The following CNIH3 variants were observed in gnomAD, a reference collection of about 807,000 sequenced individuals.
CNIH3 encodes the protein protein cornichon homolog 3.
Under a neutral mutation model 24.1 loss-of-function variants are expected in CNIH3, and 14 were observed. The ratio of observed to expected loss-of-function variants is 0.58; its 90% CI spans 0.38 to 0.91. The LOEUF (loss-of-function observed/expected upper bound fraction) is 0.91, where lower values mean the gene tolerates loss of function less well. Ranked by LOEUF, CNIH3 falls within the 40% of genes least tolerant of loss-of-function variation. The pLI is 0.00. For missense variants in CNIH3, 178 were observed against 196.8 expected, an observed-to-expected ratio of 0.90 and a Z score of 0.57; for synonymous variants, 68 against 73.8, an observed-to-expected ratio of 0.92 and a Z score of 0.40.
intron 1 of CNIH3, among the ~76,000 whole-genome samples, chr1:224,635,899 T>C (rs1553278634): frequency 1.3e-5 from 2 of 151,800 alleles, no homozygotes; most frequent in Non-Finnish European, 2.9e-5. Flanking sequence ...TTTCTAGAAA[T>C]GGGGGGGTCT....
At chr1:224,608,644 C>T (rs61827076) in intron 3 of CNIH3, among the ~76,000 whole-genome samples, 41,455 of 152,016 alleles carry the variant, frequency 0.27, 5,919 homozygotes, top group East Asian at 0.36. Flanking sequence ...GGCACGGCGC[C>T]GGGCTGTCTG....
At chr1:224,476,381 G>C (rs1464677919) in intron 1 of CNIH3, among the ~76,000 whole-genome samples, 1 of 152,178 alleles carries the variant, frequency 6.6e-6, no homozygotes, top group African/African-American at 2.4e-5. Flanking sequence ...ATTTAGTAAA[G>C]TTTCAGGATA....
At chr1:224,489,140 C>T (rs6697914) in intron 1 of CNIH3, among the ~76,000 whole-genome samples, 125,623 of 151,304 alleles carry the variant, frequency 0.83, 52,596 homozygotes, top group East Asian at 0.97. Context: ...TATTTTTCTT[C>T]TTTTTTTTAA....
chr1:224,488,786 A>C (rs1410451878), intron 1 of CNIH3, among the ~76,000 whole-genome samples: 1 of 53,320 alleles, frequency 1.9e-5, no homozygotes, highest in Non-Finnish European at 4.7e-5. Flanking sequence ...GTAATTTTTA[A>C]ATTTTAGATG....
At chr1:224,699,123 G>A (rs1277856432) in intron 3 of CNIH3, among the ~76,000 whole-genome samples, 1 of 152,128 alleles carries the variant, frequency 6.6e-6, no homozygotes, top group East Asian at 1.9e-4. Flanking sequence ...GAGTTTTTCA[G>A]AGCAAGCTTG....
chr1:224,614,917 C>A (rs545882858), upstream of CNIH3, among the ~76,000 whole-genome samples: 1 of 150,704 alleles, frequency 6.6e-6, no homozygotes, highest in African/African-American at 2.4e-5. Flanking sequence ...TCCAGCCTGG[C>A]GACAAAGTGA....
intron 2 of CNIH3, among the ~76,000 whole-genome samples, chr1:224,545,477 G>A (rs1286493257): frequency 6.6e-6 from 1 of 152,120 alleles, no homozygotes; most frequent in Non-Finnish European, 1.5e-5. Context: ...AAATTCCCAG[G>A]CATTCTAGTC....
At chr1:224,589,210 C>G (rs1283311574), downstream of CNIH3, among the ~76,000 whole-genome samples, 1 of 152,108 alleles carries the variant, frequency 6.6e-6, no homozygotes, top group African/African-American at 2.4e-5. Context: ...CAGAAATGCA[C>G]CACGTTGCTA....
At chr1:224,442,205 C>T (rs1177985980) in intron 1 of CNIH3, among the ~76,000 whole-genome samples, 1 of 151,792 alleles carries the variant, frequency 6.6e-6, no homozygotes, top group Non-Finnish European at 1.5e-5. Flanking sequence ...GAGACAGGGT[C>T]TCCCCATGTT....
chr1:224,517,055 G>A (rs764141057), intron 1 of CNIH3, among the ~76,000 whole-genome samples: 1 of 152,174 alleles, frequency 6.6e-6, no homozygotes, highest in Non-Finnish European at 1.5e-5. Context: ...TGATGTCCAG[G>A]TATGGCTGTT....
At chr1:224,554,673 T>A (rs1180277008) in intron 3 of CNIH3, among the ~76,000 whole-genome samples, 1 of 152,008 alleles carries the variant, frequency 6.6e-6, no homozygotes, top group Non-Finnish European at 1.5e-5. Flanking sequence ...AGCCTTGACT[T>A]CCCAGGGTTA....
chr1:224,439,553 A>C (rs1045298679), intron 1 of CNIH3, among the ~76,000 whole-genome samples: 1 of 152,156 alleles, frequency 6.6e-6, no homozygotes. Context: ...AAAAAAAAAA[A>C]ACATTTAACA....
chr1:224,602,384 A>T (rs1375798526), intron 3 of CNIH3, among the ~76,000 whole-genome samples: 1 of 152,240 alleles, frequency 6.6e-6, no homozygotes, highest in Non-Finnish European at 1.5e-5. Context: ...TTGTTTTATC[A>T]ATATTTTGTC....
chr1:224,696,772 TTGTGTGTG>T (rs66962239), intron 3 of CNIH3, among the ~76,000 whole-genome samples: 1 of 149,882 alleles, frequency 6.7e-6, no homozygotes, highest in South Asian at 2.1e-4. Flanking sequence ...GGGGATAAAT[TTGTGTGTG>T]TGTGTGTGTG....
At chr1:224,435,955 A>G (rs1014490774) in intron 1 of CNIH3, 3 of 152,206 alleles carry the variant, frequency 2.0e-5, no homozygotes, top group African/African-American at 7.2e-5. Flanking sequence ...GCTGATATTT[A>G]TTATAGTAAT....
intron 3 of CNIH3, among the ~76,000 whole-genome samples, chr1:224,717,038 T>C (rs1688466717): frequency 1.3e-5 from 2 of 152,148 alleles, no homozygotes; most frequent in African/African-American, 4.8e-5. Context: ...TGGCCAGCCT[T>C]TTCCTGCAGC....
chr1:224,735,677 G>A (rs1689559083), intron 5 of CNIH3, among the ~76,000 whole-genome samples: 1 of 152,070 alleles, frequency 6.6e-6, no homozygotes. Context: ...TTTATTTAAA[G>A]ATGGGGTCTC....
At chr1:224,690,868 T>C (rs1395415616) in intron 3 of CNIH3, among the ~76,000 whole-genome samples, 2 of 152,076 alleles carry the variant, frequency 1.3e-5, no homozygotes, top group Non-Finnish European at 2.9e-5. Flanking sequence ...AATGCAGTGG[T>C]GATATGACCA....
At chr1:224,608,489 G>GGTGC (rs1682532213) in intron 3 of CNIH3, among the ~76,000 whole-genome samples, 1 of 152,126 alleles carries the variant, frequency 6.6e-6, no homozygotes, top group South Asian at 2.1e-4. Flanking sequence ...GCAAGCAGGG[G>GGTGC]GTGCGTGACT....
Sources: gnomAD v4.1 joint callset for allele counts (sites outside exome capture counted in the v4.1 genomes callset) on GRCh38, gnomAD v4.1.1 for gene constraint, MANE v1.5 for transcripts, NCBI Gene and HGNC (gene_info 2026-07-23, HGNC 2026-07-21) for gene names.